APBA2: variants seen among roughly 807,000 people sequenced by gnomAD.
APBA2 encodes amyloid beta precursor protein binding family A member 2.
Under a neutral mutation model 75.0 loss-of-function variants are expected in APBA2, and 30 were observed. That is an observed-to-expected ratio of 0.40 (90% CI 0.30 to 0.54). The LOEUF (loss-of-function observed/expected upper bound fraction) is 0.54, where lower values mean the gene tolerates loss of function less well. APBA2 is among the 20% of genes least tolerant of loss of function. APBA2 has a pLI of 0.49. For missense variants in APBA2, 801 were observed against 1,016.1 expected (o/e 0.79, Z 2.88); for synonymous variants, 444 against 409.6 (o/e 1.08, Z -1.01).
intron 1 of APBA2, among the ~76,000 whole-genome samples, chr15:28,887,092 A>T (rs977198993): frequency 8.5e-5 from 13 of 152,352 alleles, no homozygotes; most frequent in African/African-American, 2.9e-4. Flanking sequence ...GGGGCCTGCT[A>T]GTCTTAACTT....
chr15:29,066,896 T>G (rs1324511217), intron 4 of APBA2, among the ~76,000 whole-genome samples: 1 of 152,126 alleles, frequency 6.6e-6, no homozygotes, highest in Non-Finnish European at 1.5e-5. Context: ...CTGGGTAATT[T>G]ATAAGAAAAG....
intron 13 of APBA2, 123 bp from the exon 14 acceptor site, chr15:29,113,753 T>G: frequency 9.6e-6 from 12 of 1,255,144 alleles, no homozygotes; most frequent in Non-Finnish European, 1.4e-5. Context: ...AGTCAGCGAA[T>G]TGCACGTGCA....
chr15:29,083,823 G>A (rs1025018789), intron 6 of APBA2, among the ~76,000 whole-genome samples: 4 of 152,064 alleles, frequency 2.6e-5, no homozygotes, highest in African/African-American at 7.2e-5. Flanking sequence ...GAGCCACCGC[G>A]CCCGGCCCAC....
At chr15:29,057,434 T>C (rs752481498) in intron 4 of APBA2, among the ~76,000 whole-genome samples, 3 of 152,200 alleles carry the variant, frequency 2.0e-5, no homozygotes, top group Non-Finnish European at 2.9e-5. Context: ...ATTGCACGAA[T>C]GGCAATAGTA....
intron 2 of APBA2, among the ~76,000 whole-genome samples, chr15:28,938,817 G>A (rs537333129): frequency 7.9e-5 from 12 of 152,252 alleles, no homozygotes; most frequent in Admixed American, 3.9e-4. Context: ...CCTACATGTG[G>A]TATTTTAATA....
At chr15:29,065,745 G>A (rs1388684234) in intron 4 of APBA2, among the ~76,000 whole-genome samples, 3 of 152,104 alleles carry the variant, frequency 2.0e-5, no homozygotes, top group Admixed American at 1.3e-4. Context: ...AGGAAGTTTG[G>A]GCTAGGCTCA....
intron 2 of APBA2, chr15:28,976,936 C>T (rs745545737): frequency 3.9e-5 from 6 of 152,168 alleles, no homozygotes; most frequent in Non-Finnish European, 8.8e-5. Context: ...GTGACACCTT[C>T]TGGTTCCAGT....
intron 2 of APBA2, among the ~76,000 whole-genome samples, chr15:28,940,234 T>C (rs4380029): frequency 0.29 from 44,366 of 151,440 alleles, 10,611 homozygotes; most frequent in African/African-American, 0.64. Flanking sequence ...CTCGGGAGGC[T>C]GGGCGTGGTG....
chr15:28,929,139 A>G (rs915280768), intron 2 of APBA2, among the ~76,000 whole-genome samples: 2 of 151,866 alleles, frequency 1.3e-5, no homozygotes, highest in African/African-American at 2.4e-5. Context: ...CCCTGCTTTG[A>G]TTTTCCTGTT....
intron 2 of APBA2, among the ~76,000 whole-genome samples, chr15:28,934,860 G>A (rs187818873): frequency 2.6e-5 from 4 of 152,296 alleles, no homozygotes; most frequent in East Asian, 1.9e-4. Flanking sequence ...GTGTTTCCCC[G>A]TCAGGAGAGC....
intron 4 of APBA2, among the ~76,000 whole-genome samples, chr15:29,073,206 C>T (rs969929953): frequency 6.6e-6 from 1 of 152,210 alleles, no homozygotes; most frequent in Non-Finnish European, 1.5e-5. Flanking sequence ...GGGCTGGCAG[C>T]CATGCCTCGT....
At chr15:28,900,575 T>TG (rs2032790200) in intron 1 of APBA2, among the ~76,000 whole-genome samples, 2 of 152,340 alleles carry the variant, frequency 1.3e-5, no homozygotes, top group East Asian at 3.9e-4. Context: ...GTGTGTTTGG[T>TG]GACATTTGTA....
chr15:28,900,704 T>C (rs995461916), intron 1 of APBA2, among the ~76,000 whole-genome samples: 5 of 152,292 alleles, frequency 3.3e-5, no homozygotes, highest in African/African-American at 1.2e-4. Flanking sequence ...GCGGCGCCCC[T>C]GTGTGTCCTG....
chr15:29,094,200 C>A (rs766973807), intron 7 of APBA2, 78 bp from the exon 8 acceptor site: 276 of 1,526,150 alleles, frequency 1.8e-4, no homozygotes, highest in Non-Finnish European at 3.5e-5. Context: ...GGGGCATCAA[C>A]CACCAAAGTG....
intron 1 of APBA2, among the ~76,000 whole-genome samples, chr15:28,915,201 C>CACACACCCCATATATACCACACACCACAA (rs2033627589): frequency 2.5e-4 from 2 of 7,924 alleles, no homozygotes; most frequent in South Asian, 4.3e-3. Flanking sequence ...ACACACCACA[C>CACACACCCCATATATACCACACACCACAA]ACATAGCGCA....
intron 8 of APBA2, among the ~76,000 whole-genome samples, chr15:29,097,816 C>T (rs967216874): frequency 1.3e-5 from 2 of 152,200 alleles, no homozygotes; most frequent in African/African-American, 4.8e-5. Flanking sequence ...CCCCTTCACT[C>T]CTTTGCCCCA....
At chr15:28,930,361 C>T (rs2034499216) in intron 2 of APBA2, among the ~76,000 whole-genome samples, 1 of 152,156 alleles carries the variant, frequency 6.6e-6, no homozygotes, top group African/African-American at 2.4e-5. Context: ...TGAGCCTGCC[C>T]TGGGGGTGAG....
intron 2 of APBA2, among the ~76,000 whole-genome samples, chr15:28,965,362 G>C (rs751787935): frequency 6.6e-6 from 1 of 152,048 alleles, no homozygotes; most frequent in Non-Finnish European, 1.5e-5. Flanking sequence ...ATATCACACT[G>C]TCTTGATTAC....
chr15:29,113,975 C>T lies in APBA2; in HGVS notation c.2137C>T (p.His713Tyr). The T allele has an allele frequency of 6.2e-7, 1 of 1,613,790 alleles. No individual in the cohort carries two copies. The highest frequency in any genetic ancestry group is 8.5e-7 in the Non-Finnish European group (1 of 1,180,030). ...INGQSVVATAHEKIVQALSNS... is the reference protein window; with the variant it reads ...INGQSVVATAYEKIVQALSNS... ...CGGGCAGAGCGTGGTGGCCACAGCCCACGAGAAGATAGTCCAAGCTCTGTC... is the reference window on the plus strand; with the variant it reads ...CGGGCAGAGCGTGGTGGCCACAGCCTACGAGAAGATAGTCCAAGCTCTGTC... The change falls in exon 14 of 15, where the codon CAC (histidine) becomes TAC (tyrosine). Residue 713 changes from histidine to tyrosine, a missense_variant. Physicochemically the swap from His to Tyr is moderately conservative, Grantham distance 83 (BLOSUM62 2). Around this residue, in one of 2 missense-constraint regions of APBA2, gnomAD observed 367 missense variants for 544.5 expected, o/e 0.67. Transcript: ENST00000683413.
Sources: gnomAD v4.1 joint callset for allele counts (sites outside exome capture counted in the v4.1 genomes callset) on GRCh38, gnomAD v4.1.1 for gene constraint, gnomAD v4.1.1 regional missense constraint, MANE v1.5 for transcripts, NCBI Gene and HGNC (gene_info 2026-07-23, HGNC 2026-07-21) for gene names.